TEP1: variants seen among roughly 807,000 people sequenced by gnomAD.
TEP1 encodes the protein telomerase associated protein 1.
In TEP1, 241 loss-of-function variants were observed where a neutral mutation model predicts 306.3. The observed-to-expected ratio is 0.79, with a 90% CI of 0.71 to 0.88. The LOEUF is 0.88. Among genes scored for constraint, TEP1 ranks in the 40% least tolerant of loss-of-function variants. The pLI is 0.00. For synonymous variants in TEP1, 1,289 were observed against 1,305.5 expected, an observed-to-expected ratio of 0.99 and a Z score of 0.27; for missense variants, 3,051 against 3,276.1, an observed-to-expected ratio of 0.93 and a Z score of 1.68.
chr14:20,375,798 C>T lies in TEP1; in HGVS notation c.6320G>A (p.Arg2107His), dbSNP rs199583487. 6 of 1,613,650 alleles carry T rather than the reference C, an allele frequency of 3.7e-6. No homozygotes were observed. The East Asian group carries it at 6.7e-5, about 18-fold the overall frequency. Residue 2107 changes from arginine (R) to histidine (H), a missense_variant, in exon 43 of 55, where the codon CGT (arginine) becomes CAT (histidine). Arg to His is a conservative substitution (Grantham distance 29). This residue lies in a region of TEP1 where 1,540 missense variants were observed against 1,705.9 expected (regional missense o/e 0.90). Transcript: ENST00000262715. ...VLIHSFPACH[R>H]DWVTGCAWTK... is the part of the protein sequence containing the mutation. ...CCAGGCACAGCCAGTGACCCAGTCA[C>T]GGTGACAGGCAGGGAAGGAGTGGAT...
intron 51 of TEP1, among the ~76,000 whole-genome samples, chr14:20,370,027 C>T (rs1446218422): frequency 2.6e-5 from 4 of 151,898 alleles, no homozygotes; most frequent in African/African-American, 9.7e-5. Flanking sequence ...GATTATCCTG[C>T]CTCAGCCTCC....
At chr14:20,396,253 G>C (rs977878917) in intron 10 of TEP1, among the ~76,000 whole-genome samples, 1 of 152,310 alleles carries the variant, frequency 6.6e-6, no homozygotes, top group Non-Finnish European at 1.5e-5. Context: ...TGGACTGCCT[G>C]GGCTCAAGAG....
intron 43 of TEP1, 53 bp downstream of exon 43, chr14:20,375,702 T>C (rs1388527583): frequency 1.7e-6 from 2 of 1,210,690 alleles, no homozygotes; most frequent in Admixed American, 3.5e-5. Flanking sequence ...GGGAGTGTTG[T>C]CTTGCCCCAG....
Position 20,383,926 on chromosome 14 carries a change from G to A in TEP1, c.3535-8C>T. 6.3e-7 allele frequency: 1 copy of A among 1,596,356 alleles called. No individual in the cohort carries two copies. Among genetic ancestry groups the A allele is most frequent in the Middle Eastern group, 1.7e-4 (1 of 6,022 alleles). On this transcript the variant is annotated splice_region_variant and splice_polypyrimidine_tract_variant and intron_variant, in intron 24 of 54. Coordinates refer to ENST00000262715, the MANE Select transcript of TEP1 (RefSeq NM_007110.5). ...GGCTGACACAAGAGATGCCTGCATG[G>A]GACAGGAACAGAAAACATGGTCACA...
At position 20,381,491 on chromosome 14, in the gene TEP1, G is replaced by T. The variant is rs371127169; in HGVS notation, c.4558+62C>A. On this transcript the variant is annotated intron_variant, in intron 31 of 54. Coordinates refer to ENST00000262715, the MANE Select transcript of TEP1 (RefSeq NM_007110.5). The surrounding 1 kb of genome is among the most constrained non-coding windows in gnomAD (Gnocchi z 4.0). Reference sequence around the variant, plus strand: ...GCCAGCAGATGGGAGCACAGTGGGTGGTCCTGGCCTCCAGGCCCAAGCCCC... The same window carrying T: ...GCCAGCAGATGGGAGCACAGTGGGTTGTCCTGGCCTCCAGGCCCAAGCCCC... 1 of 1,612,526 alleles carries T rather than the reference G, an allele frequency of 6.2e-7. No homozygotes were observed. Among genetic ancestry groups the T allele is most frequent in the African/African-American group, 1.3e-5 (1 of 74,930 alleles).
intron 9 of TEP1, among the ~76,000 whole-genome samples, chr14:20,397,662 T>C (rs111321870): frequency 6.6e-6 from 1 of 152,212 alleles, no homozygotes; most frequent in Non-Finnish European, 1.5e-5. Context: ...TGAAAAAGAT[T>C]TGCACTGGAG....
At chr14:20,391,991 G>T (rs529705136) in intron 12 of TEP1, among the ~76,000 whole-genome samples, 1 of 152,274 alleles carries the variant, frequency 6.6e-6, no homozygotes, top group African/African-American at 2.4e-5. Context: ...TGGTAGGAGA[G>T]GGGAAGTCAC....
chr14:20,411,917 A>T (rs1229879186), intron 1 of TEP1, among the ~76,000 whole-genome samples: 1 of 152,040 alleles, frequency 6.6e-6, no homozygotes, highest in African/African-American at 2.4e-5. Context: ...GTTCAAGACC[A>T]GCCTGGGCAA....
chr14:20,397,710 G>A (rs1027674491), intron 9 of TEP1, among the ~76,000 whole-genome samples: 1 of 151,810 alleles, frequency 6.6e-6, no homozygotes, highest in Non-Finnish European at 1.5e-5. Context: ...CTTCCTTATT[G>A]TTCCCTTGTA....
chr14:20,391,115 G>T lies in TEP1; in HGVS notation c.2098-19C>A. ...GCGGGGGCTGATTGGACAAGTGTCAGGGGAAATAAAGCTCCCCTGCTTTGG... is the reference window on the plus strand; with the variant it reads ...GCGGGGGCTGATTGGACAAGTGTCATGGGAAATAAAGCTCCCCTGCTTTGG... On this transcript the variant is annotated intron_variant, in intron 13 of 54. Transcript: ENST00000262715. 1 of 1,612,426 alleles carries T rather than the reference G, an allele frequency of 6.2e-7. No individual in the cohort carries two copies.
chr14:20,390,815 T>A, intron 14 of TEP1, 57 bp from the exon 15 acceptor site: 1 of 1,610,778 alleles, frequency 6.2e-7, no homozygotes, highest in African/African-American at 1.3e-5. Context: ...AACACTGCAG[T>A]CTTGCAGTCT....
chr14:20,407,596 C>G lies in TEP1; in HGVS notation c.567+277G>C, dbSNP rs551581435. 5.9e-5 allele frequency among the ~76,000 whole-genome samples: 9 copies of G among 152,346 alleles called. No homozygotes were observed. The South Asian group carries it at 1.7e-3, about 28-fold the overall frequency. The stretch of plus-strand genomic sequence containing the variant: ...ACTCAAGTGATCCGCCCGCCTTGGC[C>G]TCCCAAAGTGCTGGGATTACAGGCA... On this transcript the variant is annotated intron_variant, in intron 2 of 54. Coordinates refer to ENST00000262715, the MANE Select transcript of TEP1 (RefSeq NM_007110.5).
At position 20,403,797 on chromosome 14, in the gene TEP1, C is replaced by T. The variant is rs140399456; in HGVS notation, c.1120G>A (p.Glu374Lys). Residue 374 changes from glutamate (E) to lysine (K), a missense_variant, in exon 6 of 55, where the codon GAG (glutamate) becomes AAG (lysine). Glu to Lys is a moderately conservative substitution (Grantham distance 56). Coordinates refer to ENST00000262715, the MANE Select transcript of TEP1 (RefSeq NM_007110.5). ...AMTDKFAQFD[E>K]YQLAKYNPRK... ...GGGTTGTACTTAGCCAGCTGGTACT[C>T]GTCAAACTGGGCAAATTTGTCCGTC... The T allele has an allele frequency of 2.5e-5, 41 of 1,613,938 alleles. No homozygotes were observed. The African/African-American group carries it at 3.7e-4, about 15-fold the overall frequency.
intron 20 of TEP1, 122 bp from the exon 21 acceptor site, chr14:20,385,231 G>T: frequency 7.9e-7 from 1 of 1,263,210 alleles, no homozygotes. Flanking sequence ...CCAGGCACAA[G>T]CAATAAAATA....
chr14:20,391,501 G>A, intron 13 of TEP1, 98 bp downstream of exon 13: 7 of 1,366,314 alleles, frequency 5.1e-6, no homozygotes, highest in Non-Finnish European at 7.0e-6. Context: ...CAGTCTGAGT[G>A]TTTGCCTGGG....
intron 41 of TEP1, 64 bp from the exon 42 acceptor site, chr14:20,376,328 G>A (rs1885175494): frequency 3.2e-6 from 5 of 1,546,088 alleles, no homozygotes; most frequent in African/African-American, 1.4e-5. Context: ...GCCCTGGGAG[G>A]CCAAAGACAG....
chr14:20,395,352 C>T (rs1364239388), intron 12 of TEP1, 98 bp downstream of exon 12: 15 of 1,304,102 alleles, frequency 1.2e-5, no homozygotes, highest in Admixed American at 6.9e-5. Context: ...GACAAGCAAA[C>T]CTTTACAGAA....
In TEP1 at chr14:20,381,590, C is replaced by T. The variant is rs981421218; in HGVS notation, c.4521G>A (p.Arg1507=). 2 of 1,613,858 alleles carry T rather than the reference C, an allele frequency of 1.2e-6. No homozygotes were observed. The highest frequency in any genetic ancestry group is 1.7e-6 in the Non-Finnish European group (2 of 1,180,004). Residue 1507 remains arginine (R), a synonymous_variant, in exon 31 of 55, where the codon AGG becomes AGA. Transcript: ENST00000262715. This position sits in a 1 kb window ranked among gnomAD's most constrained non-coding sequence, Gnocchi z 4.0. ...RTAAKRCYGK[R]PGLEDTAHIL... Reference sequence around the variant, plus strand: ...TGTGTGCCGTGTCCTCTAGCCCTGGCCTCTTCCCATAGCAACGTTTAGCTG... The same window carrying T: ...TGTGTGCCGTGTCCTCTAGCCCTGGTCTCTTCCCATAGCAACGTTTAGCTG...
intron 41 of TEP1, 52 bp downstream of exon 41, chr14:20,377,228 A>T: frequency 7.0e-7 from 1 of 1,432,676 alleles, no homozygotes; most frequent in Non-Finnish European, 9.5e-7. Flanking sequence ...AAAAAAAAAA[A>T]AGAAAAGAAA....
Sources: gnomAD v4.1 joint callset for allele counts (sites outside exome capture counted in the v4.1 genomes callset) on GRCh38, gnomAD v4.1.1 for gene constraint, gnomAD v4.1.1 regional missense constraint, Gnocchi (gnomAD v3.1) non-coding constraint, MANE v1.5 for transcripts, NCBI Gene and HGNC (gene_info 2026-07-23, HGNC 2026-07-21) for gene names.